NEK5: variants seen among roughly 807,000 people sequenced by gnomAD.
NEK5 encodes the protein NIMA related kinase 5.
A neutral mutation model predicts 109.2 loss-of-function variants in NEK5; 88 were observed. The observed-to-expected ratio is 0.81, with a 90% CI of 0.68 to 0.96. NEK5 has a LOEUF of 0.96. Among genes scored for constraint, NEK5 ranks in the 40% least tolerant of loss-of-function variants. The pLI is 0.00. For synonymous variants in NEK5, 283 were observed against 299.9 expected, an observed-to-expected ratio of 0.94 and a Z score of 0.58; for missense variants, 834 against 920.7, an observed-to-expected ratio of 0.91 and a Z score of 1.22.
At chr13:52,054,275 A>G (rs1954532928) in intron 22 of NEK5, among the ~76,000 whole-genome samples, 2 of 152,228 alleles carry the variant, frequency 1.3e-5, no homozygotes, top group African/African-American at 4.8e-5. Flanking sequence ...AAAATTTCCA[A>G]ACATAGTTGT....
intron 23 of NEK5, among the ~76,000 whole-genome samples, chr13:52,039,892 G>C (rs909095242): frequency 1.3e-5 from 2 of 151,946 alleles, no homozygotes; most frequent in East Asian, 3.9e-4. Context: ...CAATGTGATA[G>C]TATTAAGGGG....
rs182813328 is a variant in NEK5 at position 52,102,541 on chromosome 13, A to T, written c.610-249T>A. Among the ~76,000 whole-genome samples, 27 of 152,228 alleles carry T rather than the reference A, an allele frequency of 1.8e-4. No individual in the cohort carries two copies. The East Asian group carries it at 5.0e-3, about 28-fold the overall frequency. On this transcript the variant is annotated intron_variant, in intron 9 of 23. Transcript: ENST00000684899. Reference sequence around the variant, plus strand: ...CATCTCTCCAAATCATGGTTTTTAAACATTTGCTGGGCTTGGTGGCATGAG... The same window carrying T: ...CATCTCTCCAAATCATGGTTTTTAATCATTTGCTGGGCTTGGTGGCATGAG...
chr13:52,101,857 G>A, intron 11 of NEK5, 76 bp downstream of exon 11: 1 of 1,200,124 alleles, frequency 8.3e-7, no homozygotes, highest in Non-Finnish European at 1.2e-6. Flanking sequence ...TATGTTTGGT[G>A]AAATTTCCTT....
intron 8 of NEK5, among the ~76,000 whole-genome samples, chr13:52,107,169 C>T (rs754574162): frequency 3.9e-5 from 6 of 152,150 alleles, no homozygotes; most frequent in Non-Finnish European, 7.3e-5. Context: ...AAGTTTGAAA[C>T]CTTCAGGTAA....
chr13:52,099,786 C>T lies in NEK5; in HGVS notation c.983G>A (p.Arg328Lys), dbSNP rs777248159. ...TCCAGCTGGTGGTCTCCATTCATTT[C>T]TATGCAATATAGCATTCCTTTTAAT... Reference protein sequence around the residue: ...VPIKRNAILHRNEWRPPAGAQ... With the variant: ...VPIKRNAILHKNEWRPPAGAQ... Residue 328 changes from arginine to lysine, a missense_variant, in exon 12 of 24, where the codon AGA becomes AAA. Physicochemically the swap from Arg to Lys is conservative, Grantham distance 26. Transcript: ENST00000684899. 1.4e-5 allele frequency: 22 copies of T among 1,613,894 alleles called. No homozygotes were observed. The highest frequency in any genetic ancestry group is 1.8e-5 in the Non-Finnish European group (21 of 1,179,776).
At chr13:52,103,028 A>G (rs528705882) in intron 9 of NEK5, among the ~76,000 whole-genome samples, 18 of 152,356 alleles carry the variant, frequency 1.2e-4, no homozygotes, top group African/African-American at 4.1e-4. Context: ...ATTAACATAA[A>G]CATCGTTTAA....
chr13:52,066,469 T>C (rs1161183555), intron 20 of NEK5, among the ~76,000 whole-genome samples: 1 of 152,148 alleles, frequency 6.6e-6, no homozygotes, highest in Non-Finnish European at 1.5e-5. Context: ...TCTGTGGTTT[T>C]TTTTTCTATG....
At chr13:52,051,910 C>T (rs1415847114) in intron 22 of NEK5, among the ~76,000 whole-genome samples, 2 of 152,178 alleles carry the variant, frequency 1.3e-5, no homozygotes, top group African/African-American at 4.8e-5. Flanking sequence ...AGGTGCAGGA[C>T]AGAAAGTCAT....
rs755290517 is a variant in NEK5, at chr13:52,127,447, T to C, written c.36A>G (p.Gln12=). The part of the protein sequence containing the change: ...DKYDVIKAIG[Q]GAFGKAYLAK... Reference sequence around the variant, plus strand: ...CTAAGTATGCTTTCCCGAAGGCACCTTGCCCGATGGCCTTAATCACATCGT... The same window carrying C: ...CTAAGTATGCTTTCCCGAAGGCACCCTGCCCGATGGCCTTAATCACATCGT... Residue 12 remains glutamine (Q), a synonymous_variant, in exon 3 of 24, where the codon CAA becomes CAG. Transcript: ENST00000684899. 11 of 1,612,046 alleles carry C rather than the reference T, an allele frequency of 6.8e-6. No homozygotes were observed. In the Admixed American group the frequency reaches 1.8e-4, roughly 27 times the overall value.
intron 4 of NEK5, 40 bp from the exon 5 acceptor site, chr13:52,112,405 GATATTT>G: frequency 7.7e-7 from 1 of 1,301,308 alleles, no homozygotes; most frequent in Non-Finnish European, 1.1e-6. Flanking sequence ...AAGGATTTCA[GATATTT>G]ATCAGCCATG....
At chr13:52,122,514 A>G (rs1955989764) in intron 3 of NEK5, among the ~76,000 whole-genome samples, 3 of 152,234 alleles carry the variant, frequency 2.0e-5, no homozygotes, top group African/African-American at 7.2e-5. Context: ...CACACCTGTA[A>G]TCCCAGCACT....
chr13:52,100,069 T>C (rs147588836), intron 11 of NEK5, among the ~76,000 whole-genome samples, 193 bp from the exon 12 acceptor site: 36 of 152,292 alleles, frequency 2.4e-4, no homozygotes, highest in Admixed American at 7.2e-4. Flanking sequence ...AAAAAACCAT[T>C]TTTTCAGAGT....
At chr13:52,063,738 G>C (rs1314326587) in intron 21 of NEK5, among the ~76,000 whole-genome samples, 1 of 133,840 alleles carries the variant, frequency 7.5e-6, no homozygotes, top group East Asian at 2.2e-4. Flanking sequence ...CCGTCTGGGA[G>C]GTGAGGAGCG....
At position 52,127,351 on chromosome 13, in the gene NEK5, T is replaced by C. The variant is rs1461881312; in HGVS notation, c.117+15A>G. 4 of 989,922 alleles carry C rather than the reference T, an allele frequency of 4.0e-6. No homozygotes were observed. Among genetic ancestry groups the C allele is most frequent in the Non-Finnish European group, 4.5e-6 (3 of 659,702 alleles). 61.3% of individuals were successfully genotyped at this position (989,922 alleles called of 1,614,324 possible). ...ATCCCACTGAAAATTAACAGAAATT[T>C]GAACTTAACTTTACCTTTTCAAAAT... On this transcript the variant is annotated intron_variant, in intron 3 of 23. Transcript: ENST00000684899.
chr13:52,120,638 TG>T (rs1277818835), intron 3 of NEK5, among the ~76,000 whole-genome samples: 6 of 152,016 alleles, frequency 3.9e-5, no homozygotes, highest in African/African-American at 1.4e-4. Context: ...TGGCTGGGTG[TG>T]GTAGCTCATG....
chr13:52,083,865 A>C (rs778971104), intron 16 of NEK5, among the ~76,000 whole-genome samples: 4 of 152,086 alleles, frequency 2.6e-5, no homozygotes, highest in Non-Finnish European at 5.9e-5. Flanking sequence ...TGCAGGGCTC[A>C]GGCTGCCCAT....
rs950715417 is a variant in NEK5, at chr13:52,036,293, T to C, written c.*655A>G. On this transcript the variant is annotated 3_prime_UTR_variant, in exon 24 of 24. Transcript: ENST00000684899. Reference sequence around the variant, plus strand: ...TGTGATTACACTGCACCCAGGTGGATAAACCAAGATAACCTCCCTATTTTA... The same window carrying C: ...TGTGATTACACTGCACCCAGGTGGACAAACCAAGATAACCTCCCTATTTTA... The C allele has an allele frequency of 2.0e-5, 3 of 152,182 alleles. No individual in the cohort carries two copies. The highest frequency in any genetic ancestry group is 7.2e-5 in the African/African-American group (3 of 41,442). 9.4% of individuals were successfully genotyped at this position (152,182 alleles called of 1,614,324 possible). A position where few individuals can be genotyped will look rare whatever the true frequency, so the allele number is the denominator to read the frequency against.
At chr13:52,059,945 A>T (rs1323409749) in intron 22 of NEK5, among the ~76,000 whole-genome samples, 1 of 152,070 alleles carries the variant, frequency 6.6e-6, no homozygotes, top group African/African-American at 2.4e-5. Context: ...CCTAAAACTT[A>T]AAGTATAATA....
chr13:52,076,192 G>T, intron 17 of NEK5, 49 bp from the exon 18 acceptor site: 1 of 982,350 alleles, frequency 1.0e-6, no homozygotes, highest in Non-Finnish European at 1.6e-6. Context: ...GTTTACATGA[G>T]TTGATTTCTG....
Sources: allele counts gnomAD v4.1 joint callset (sites outside exome capture counted in the v4.1 genomes callset), GRCh38; gene constraint gnomAD v4.1.1; transcripts MANE v1.5; gene names NCBI Gene and HGNC (gene_info 2026-07-23, HGNC 2026-07-21).